DOCK2: variants seen among roughly 807,000 people sequenced by gnomAD.
DOCK2 encodes the protein dedicator of cytokinesis protein 2.
In DOCK2, 87 loss-of-function variants were observed where a neutral mutation model predicts 248.9. That is an observed-to-expected ratio of 0.35 (90% CI 0.29 to 0.42). DOCK2 has a LOEUF of 0.42. DOCK2 is among the 10% of genes least tolerant of loss of function. DOCK2 has a pLI of 1.00. For missense variants in DOCK2, 1,747 were observed against 2,300.2 expected (o/e 0.76, Z 4.92); for synonymous variants, 805 against 821.6 (o/e 0.98, Z 0.35).
chr5:169,739,195 A>G (rs1763188234), intron 22 of DOCK2, among the ~76,000 whole-genome samples: 1 of 152,200 alleles, frequency 6.6e-6, no homozygotes, highest in Non-Finnish European at 1.5e-5. Flanking sequence ...TCTTGGCATG[A>G]CCATAGTTTA....
intron 29 of DOCK2, among the ~76,000 whole-genome samples, chr5:169,990,080 C>A (rs1079176): frequency 7.7e-6 from 1 of 130,546 alleles, no homozygotes; most frequent in Non-Finnish European, 1.5e-5. Flanking sequence ...AGAAAGAACC[C>A]TCTTAATGTT....
intron 22 of DOCK2, among the ~76,000 whole-genome samples, chr5:169,723,073 C>T (rs769943663): frequency 9.9e-5 from 15 of 152,172 alleles, no homozygotes; most frequent in Non-Finnish European, 1.8e-4. Flanking sequence ...GGGTCTCTGG[C>T]CCCTGCTTGC....
chr5:169,971,102 G>A (rs1002570311), intron 27 of DOCK2, among the ~76,000 whole-genome samples: 5 of 152,026 alleles, frequency 3.3e-5, no homozygotes, highest in Admixed American at 6.6e-5. Flanking sequence ...GATGGTAATC[G>A]GGAGGTGTTG....
Position 169,983,014 on chromosome 5 carries a change from G to A in DOCK2, c.2800-54G>A, listed in dbSNP as rs1777980783. On this transcript the variant is annotated intron_variant, in intron 27 of 51. Transcript: ENST00000520908. The stretch of plus-strand genomic sequence containing the variant: ...TAAGGAGACATTTTCTCACAGGGAA[G>A]TTTTCCATGGTCCTCTCTCAACTAT... 6.3e-6 allele frequency: 10 copies of A among 1,589,122 alleles called. No homozygotes were observed. In the Admixed American group the frequency reaches 1.7e-4, roughly 27 times the overall value.
Position 169,823,721 on chromosome 5 carries a change from C to T in DOCK2, c.2704-17036C>T, listed in dbSNP as rs867103848. 2.2e-4 allele frequency among the ~76,000 whole-genome samples: 34 copies of T among 152,172 alleles called. No homozygotes were observed. The South Asian group carries it at 3.7e-3, about 17-fold the overall frequency. ...TTTGAAAACTGGCACAAGACAGGGA[C>T]GCCCTCTCTCACCACTCCTATTCAA... On this transcript the variant is annotated intron_variant, in intron 26 of 51. Coordinates refer to ENST00000520908, the MANE Select transcript of DOCK2 (RefSeq NM_004946.3).
intron 23 of DOCK2, among the ~76,000 whole-genome samples, chr5:169,757,303 A>G (rs1764246531): frequency 1.3e-5 from 2 of 152,112 alleles, no homozygotes; most frequent in African/African-American, 4.8e-5. Flanking sequence ...GGATACTGTG[A>G]CTGCCTGGAG....
intron 27 of DOCK2, among the ~76,000 whole-genome samples, chr5:169,946,868 A>G (rs1449046788): frequency 6.6e-6 from 1 of 152,178 alleles, no homozygotes; most frequent in African/African-American, 2.4e-5. Flanking sequence ...GAATATCGAG[A>G]TGGAGCCAGC....
At chr5:170,027,577 A>C (rs1755962705) in intron 33 of DOCK2, among the ~76,000 whole-genome samples, 1 of 152,058 alleles carries the variant, frequency 6.6e-6, no homozygotes, top group Non-Finnish European at 1.5e-5. Context: ...AGTTGTGAAA[A>C]GTCTTCCCTG....
intron 27 of DOCK2, among the ~76,000 whole-genome samples, chr5:169,895,996 G>A (rs1385498299): frequency 6.6e-6 from 1 of 152,164 alleles, no homozygotes; most frequent in Non-Finnish European, 1.5e-5. Context: ...TGAATGCTAT[G>A]ATCTCAAGCC....
rs117554675 is a variant in DOCK2 at position 169,896,436 on chromosome 5, A to G, written c.2799+55584A>G. Among the ~76,000 whole-genome samples, 772 of 152,254 alleles carry G rather than the reference A, an allele frequency of 5.1e-3. 7 individuals carry two copies. Among genetic ancestry groups the G allele is most frequent in the African/African-American group, 0.015 (618 of 41,534 alleles). ...ATTTTCTGCATCTTTGTTGGAGGGT[A>G]AATTACTTAACCTCTCTGGGCTATG... On this transcript the variant is annotated intron_variant, in intron 27 of 51. Coordinates refer to ENST00000520908, the MANE Select transcript of DOCK2 (RefSeq NM_004946.3).
intron 27 of DOCK2, among the ~76,000 whole-genome samples, chr5:169,957,551 G>T (rs1241760453): frequency 2.6e-5 from 4 of 152,212 alleles, no homozygotes; most frequent in African/African-American, 9.6e-5. Flanking sequence ...CAGGTCACAG[G>T]TGGGACTGGG....
intron 22 of DOCK2, among the ~76,000 whole-genome samples, chr5:169,744,399 A>G (rs543129632): frequency 6.6e-6 from 1 of 152,284 alleles, no homozygotes; most frequent in Non-Finnish European, 1.5e-5. Flanking sequence ...TCTGGCCCTG[A>G]GTCTCTTCAT....
chr5:169,933,105 T>TC (rs1443583173), intron 27 of DOCK2, among the ~76,000 whole-genome samples: 2 of 152,296 alleles, frequency 1.3e-5, no homozygotes, highest in East Asian at 3.9e-4. Flanking sequence ...ATGCCCTTAC[T>TC]CCCGACCCTC....
At chr5:169,787,725 T>A (rs1766075932) in intron 25 of DOCK2, among the ~76,000 whole-genome samples, 1 of 147,418 alleles carries the variant, frequency 6.8e-6, no homozygotes, top group Non-Finnish European at 1.5e-5. Flanking sequence ...TTTTTTTGCC[T>A]CCTCTTCTGT....
intron 27 of DOCK2, among the ~76,000 whole-genome samples, chr5:169,945,790 C>A (rs1581455767): frequency 6.6e-6 from 1 of 152,334 alleles, no homozygotes; most frequent in South Asian, 2.1e-4. Flanking sequence ...GCCAGCACCT[C>A]TGGCTTTTGC....
Position 169,718,668 on chromosome 5 carries a change from C to T in DOCK2, c.2144C>T (p.Thr715Ile). 1 of 1,611,732 alleles carries T rather than the reference C, an allele frequency of 6.2e-7. No individual in the cohort carries two copies. The highest frequency in any genetic ancestry group is 8.5e-7 in the Non-Finnish European group (1 of 1,178,746). ...TATCCCTTATTCAGGAAATTGATGA[C>T]AGTGCTGAAGACTTACTTGGATACC... The part of the protein sequence containing the change: ...SATLAYKKLM[T>I]VLKTYLDTSS... The change falls in exon 22 of 52, where the codon ACA becomes ATA. Residue 715 changes from threonine to isoleucine, a missense_variant. Coordinates refer to ENST00000520908, the MANE Select transcript of DOCK2 (RefSeq NM_004946.3).
chr5:169,882,714 C>T (rs1372871129), intron 27 of DOCK2: 11 of 1,552,034 alleles, frequency 7.1e-6, no homozygotes, highest in South Asian at 1.2e-5. Context: ...TGTCACTAAT[C>T]TCCCTGTTGC....
chr5:169,762,471 T>TA (rs1332783450), intron 25 of DOCK2, among the ~76,000 whole-genome samples: 1 of 152,156 alleles, frequency 6.6e-6, no homozygotes, highest in Non-Finnish European at 1.5e-5. Flanking sequence ...GCAGAAGACT[T>TA]AGAGTTCCCT....
intron 25 of DOCK2, among the ~76,000 whole-genome samples, chr5:169,790,019 G>A (rs1766228597): frequency 6.6e-6 from 1 of 152,210 alleles, no homozygotes. Context: ...AATGAGAGGA[G>A]CTTCAGCCTC....
Sources: allele counts gnomAD v4.1 joint callset (sites outside exome capture counted in the v4.1 genomes callset), GRCh38; gene constraint gnomAD v4.1.1; transcripts MANE v1.5; gene names NCBI Gene and HGNC (gene_info 2026-07-23, HGNC 2026-07-21).